Variants in HECTD2 observed in about 807,000 individuals in gnomAD.
HECTD2 encodes the protein probable E3 ubiquitin-protein ligase HECTD2.
In HECTD2, 35 loss-of-function variants were observed where a neutral mutation model predicts 103.2. That is an observed-to-expected ratio of 0.34 (90% CI 0.26 to 0.45). The LOEUF is 0.45. Ranked by LOEUF, HECTD2 falls within the 20% of genes least tolerant of loss-of-function variation. The probability of loss-of-function intolerance (pLI) is 1.00; values close to 1 mark genes in which losing one functional copy is unlikely to be tolerated. For missense variants in HECTD2, 596 were observed against 937.4 expected, an observed-to-expected ratio of 0.64 and a Z score of 4.76; for synonymous variants, 281 against 329.9, an observed-to-expected ratio of 0.85 and a Z score of 1.61.
At chr10:91,461,843 C>A (rs2421517) in intron 4 of HECTD2, among the ~76,000 whole-genome samples, 20,409 of 152,086 alleles carry the variant, frequency 0.13, 3,093 homozygotes, top group African/African-American at 0.38. Context: ...AGCCATCACA[C>A]CCAGCCCTTA....
chr10:91,439,597 AG>A (rs1447903027), intron 2 of HECTD2, among the ~76,000 whole-genome samples: 1 of 152,116 alleles, frequency 6.6e-6, no homozygotes, highest in Non-Finnish European at 1.5e-5. Flanking sequence ...AACGTAAAGT[AG>A]TTTTTTCTAA....
intron 14 of HECTD2, among the ~76,000 whole-genome samples, chr10:91,493,889 TGGG>T (rs1846566936): frequency 6.6e-6 from 1 of 152,068 alleles, no homozygotes; most frequent in East Asian, 1.9e-4. Context: ...GAATTGAAAT[TGGG>T]GGAATTAAAT....
At chr10:91,421,783 C>G (rs919771853) in intron 1 of HECTD2, among the ~76,000 whole-genome samples, 2 of 152,180 alleles carry the variant, frequency 1.3e-5, no homozygotes, top group African/African-American at 4.8e-5. Flanking sequence ...ATGCCCTCTT[C>G]TATACAGTGA....
chr10:91,435,372 T>A (rs758078567), intron 2 of HECTD2, among the ~76,000 whole-genome samples: 4 of 151,956 alleles, frequency 2.6e-5, no homozygotes, highest in African/African-American at 2.4e-5. Context: ...ATCTGTGAGG[T>A]GACCTGAGTG....
chr10:91,500,083 T>A (rs140281991), intron 18 of HECTD2, among the ~76,000 whole-genome samples: 3 of 151,916 alleles, frequency 2.0e-5, no homozygotes, highest in Non-Finnish European at 2.9e-5. Context: ...CACCTGAAAG[T>A]TGAAAAAAAC....
intron 5 of HECTD2, among the ~76,000 whole-genome samples, chr10:91,470,083 G>A (rs570355057): frequency 6.6e-6 from 1 of 152,292 alleles, no homozygotes. Context: ...ACTTCTTAGA[G>A]ATCTACAAAG....
intron 5 of HECTD2, chr10:91,462,585 A>G: frequency 6.7e-6 from 7 of 1,047,328 alleles, no homozygotes; most frequent in South Asian, 9.3e-5. Flanking sequence ...GTGAAGCCCA[A>G]GAATTTTCAT....
rs1847465197 is a variant in HECTD2 at position 91,512,571 on chromosome 10, G to A, written c.*187G>A. 2 of 548,664 alleles carry A rather than the reference G, an allele frequency of 3.6e-6. No homozygotes were observed. The highest frequency in any genetic ancestry group is 2.9e-5 in the East Asian group (1 of 34,394). 34.0% of individuals were successfully genotyped at this position (548,664 alleles called of 1,614,324 possible). On this transcript the variant is annotated 3_prime_UTR_variant, in exon 21 of 21. Coordinates refer to ENST00000298068, the MANE Select transcript of HECTD2 (RefSeq NM_182765.6). ...GCATAATTTTCTAAAAACACACACA[G>A]AAATCGCTTGAGTGAGGAAAAGTCC...
chr10:91,482,197 G>C (rs979979596), intron 7 of HECTD2, among the ~76,000 whole-genome samples: 10 of 151,958 alleles, frequency 6.6e-5, no homozygotes, highest in African/African-American at 2.2e-4. Context: ...GTCAGTCCCA[G>C]ATTTTGAGTT....
chr10:91,449,179 A>T (rs1367730388), intron 2 of HECTD2, among the ~76,000 whole-genome samples: 1 of 152,150 alleles, frequency 6.6e-6, no homozygotes, highest in South Asian at 2.1e-4. Flanking sequence ...CTCATCTACC[A>T]CGTGAGAGAA....
In HECTD2 at chr10:91,465,560, GT is replaced by G. The variant is rs560068820; in HGVS notation, c.600+3389del. Among the ~76,000 whole-genome samples, 226 of 141,084 alleles carry G rather than the reference GT, an allele frequency of 1.6e-3. 1 individual carries two copies. The highest frequency in any genetic ancestry group is 4.7e-3 in the South Asian group (21 of 4,458). The allele number at this position is 141,084 out of a possible 152,430, so 92.6% of individuals were successfully genotyped here. ...CATTAATTATGATGTTAGCTGTAGGGTTTTTTTTTTTTTAAGATGTTCTTCA... is the reference window on the plus strand; with the variant it reads ...CATTAATTATGATGTTAGCTGTAGGGTTTTTTTTTTTTAAGATGTTCTTCA... On this transcript the variant is annotated intron_variant, in intron 5 of 20. Transcript: ENST00000298068.
intron 18 of HECTD2, 119 bp from the exon 19 acceptor site, chr10:91,500,383 A>AATTT: frequency 2.1e-6 from 1 of 480,820 alleles, no homozygotes; most frequent in African/African-American, 2.0e-5. Context: ...TTCAACAAAA[A>AATTT]TGGTTTGATT....
intron 2 of HECTD2, among the ~76,000 whole-genome samples, chr10:91,431,893 C>A (rs1843895140): frequency 6.6e-6 from 1 of 152,042 alleles, no homozygotes; most frequent in Non-Finnish European, 1.5e-5. Context: ...CAAAGTCATT[C>A]TCCGTCCAGC....
rs1843268900 is a variant in HECTD2 at position 91,419,604 on chromosome 10, AAATGT to A, written c.139-5675_139-5671del. Among the ~76,000 whole-genome samples the A allele has an allele frequency of 2.0e-5, 3 of 152,218 alleles. No individual in the cohort carries two copies. In the South Asian group the frequency reaches 6.2e-4, roughly 32 times the overall value. On this transcript the variant is annotated intron_variant, in intron 1 of 20. Transcript: ENST00000298068. ...AACGTTTATTGAATTCGAGTTTAAT[AAATGT>A]ATGGTCAGCCTCTGCCTAGAGAGTC...
chr10:91,461,200 T>C lies in HECTD2; in HGVS notation c.408-54T>C. ...TGGTGACATTAAAAAGTAATACTAGTTTATCTGAATAATATTTCTATATGT... is the reference window on the plus strand; with the variant it reads ...TGGTGACATTAAAAAGTAATACTAGCTTATCTGAATAATATTTCTATATGT... On this transcript the variant is annotated intron_variant, in intron 3 of 20. Coordinates refer to ENST00000298068, the MANE Select transcript of HECTD2 (RefSeq NM_182765.6). 6.3e-6 allele frequency: 5 copies of C among 793,512 alleles called. No individual in the cohort carries two copies. The South Asian group carries it at 9.3e-5, about 15-fold the overall frequency. The allele number at this position is 793,512 out of a possible 1,614,324, so 49.2% of individuals were successfully genotyped here.
At chr10:91,412,193 A>G (rs1842938401) in intron 1 of HECTD2, among the ~76,000 whole-genome samples, 1 of 152,216 alleles carries the variant, frequency 6.6e-6, no homozygotes, top group African/African-American at 2.4e-5. Context: ...TAATGAAATT[A>G]TGTGTTCATG....
rs950729305 is a variant in HECTD2 at position 91,487,450 on chromosome 10, C to A, written c.1095-232C>A. On this transcript the variant is annotated intron_variant, in intron 10 of 20. Coordinates refer to ENST00000298068, the MANE Select transcript of HECTD2 (RefSeq NM_182765.6). The surrounding 1 kb of genome is among the most constrained non-coding windows in gnomAD (Gnocchi z 4.1). ...TAAGTGGTTAGCACACATTCAGAAC[C>A]TTTGATGTAGCTTCTGCAGAGAATA... 41 of 511,558 alleles carry A rather than the reference C, an allele frequency of 8.0e-5. No homozygotes were observed. The highest frequency in any genetic ancestry group is 3.6e-5 in the Non-Finnish European group (10 of 279,824). The allele number at this position is 511,558 out of a possible 1,614,324, so 31.7% of individuals were successfully genotyped here.
intron 1 of HECTD2, among the ~76,000 whole-genome samples, chr10:91,412,637 A>T (rs573990347): frequency 6.7e-6 from 1 of 149,690 alleles, no homozygotes; most frequent in Non-Finnish European, 1.5e-5. Flanking sequence ...TTTTAAAAAA[A>T]AAAACAATTT....
chr10:91,419,977 C>T lies in HECTD2; in HGVS notation c.139-5304C>T, dbSNP rs562951436. Reference sequence around the variant, plus strand: ...TTTAATTTAGTCTGGAGTTTGGTGTCGTATTAAATACCCAGTAACTTCTTG... The same window carrying T: ...TTTAATTTAGTCTGGAGTTTGGTGTTGTATTAAATACCCAGTAACTTCTTG... On this transcript the variant is annotated intron_variant, in intron 1 of 20. Transcript: ENST00000298068. 7.9e-5 allele frequency among the ~76,000 whole-genome samples: 12 copies of T among 152,184 alleles called. No individual in the cohort carries two copies. The East Asian group carries it at 1.2e-3, about 15-fold the overall frequency.
Sources: gnomAD v4.1 joint callset for allele counts (sites outside exome capture counted in the v4.1 genomes callset) on GRCh38, gnomAD v4.1.1 for gene constraint, Gnocchi (gnomAD v3.1) non-coding constraint, MANE v1.5 for transcripts, NCBI Gene and HGNC (gene_info 2026-07-23, HGNC 2026-07-21) for gene names.